The following UNC13C variants were observed in gnomAD, a reference collection of about 807,000 sequenced individuals.
UNC13C encodes protein unc-13 homolog C.
A neutral mutation model predicts 245.4 loss-of-function variants in UNC13C; 174 were observed. The ratio of observed to expected loss-of-function variants is 0.71; its 90% CI spans 0.63 to 0.80. UNC13C has a LOEUF of 0.80. Ranked by LOEUF, UNC13C falls within the 30% of genes least tolerant of loss-of-function variation. UNC13C has a pLI of 0.00. For missense variants in UNC13C, 2,829 were observed against 2,602.9 expected (o/e 1.09, Z -1.89); for synonymous variants, 992 against 895.1 (o/e 1.11, Z -1.93).
Position 54,500,834 on chromosome 15 carries a change from G to C in UNC13C, c.5158-1G>C. On this transcript the variant is annotated splice_acceptor_variant, in intron 21 of 32. Transcript: ENST00000260323. LOFTEE classifies it high-confidence loss of function. ...GATGGTTTCACCTCCTCTCCCCACAGTTCCAGCAGACATCTGAGCATGCTC... is the reference window on the plus strand; with the variant it reads ...GATGGTTTCACCTCCTCTCCCCACACTTCCAGCAGACATCTGAGCATGCTC... 2 of 1,612,552 alleles carry C rather than the reference G, an allele frequency of 1.2e-6. No homozygotes were observed. Among genetic ancestry groups the C allele is most frequent in the South Asian group, 2.2e-5 (2 of 91,016 alleles).
At chr15:54,289,555 G>A (rs1273552903) in intron 10 of UNC13C, among the ~76,000 whole-genome samples, 2 of 152,012 alleles carry the variant, frequency 1.3e-5, no homozygotes, top group African/African-American at 4.8e-5. Flanking sequence ...ATGTTAGTGA[G>A]TATTCTTAGT....
chr15:54,052,461 G>C (rs1897313708), intron 2 of UNC13C, among the ~76,000 whole-genome samples: 1 of 151,700 alleles, frequency 6.6e-6, no homozygotes, highest in African/African-American at 2.4e-5. Flanking sequence ...ATTCTAACTG[G>C]TGTGAGATGG....
At chr15:54,585,254 C>T (rs909624461) in intron 30 of UNC13C, among the ~76,000 whole-genome samples, 2 of 152,148 alleles carry the variant, frequency 1.3e-5, no homozygotes, top group East Asian at 1.9e-4. Flanking sequence ...GTACCCTCCT[C>T]ATGGTAATGG....
At chr15:53,897,964 T>C in the UNC13C span, among the ~76,000 whole-genome samples, 10 of 152,318 alleles carry the variant, frequency 6.6e-5, no homozygotes, top group Non-Finnish European at 1.2e-4. Flanking sequence ...GTAGTTCTAG[T>C]TGAGTATTTT....
chr15:54,244,119 A>G (rs1377174537), intron 7 of UNC13C, among the ~76,000 whole-genome samples: 1 of 152,114 alleles, frequency 6.6e-6, no homozygotes, highest in Non-Finnish European at 1.5e-5. Context: ...GGGGTTTTAT[A>G]TTCAAGTCTT....
chr15:54,373,942 C>T (rs1380922675), intron 17 of UNC13C, among the ~76,000 whole-genome samples: 2 of 151,938 alleles, frequency 1.3e-5, no homozygotes, highest in Non-Finnish European at 2.9e-5. Flanking sequence ...AGCTCCTATC[C>T]ATAGGCAGGC....
intron 17 of UNC13C, among the ~76,000 whole-genome samples, chr15:54,369,759 C>T (rs918931810): frequency 6.6e-6 from 1 of 152,068 alleles, no homozygotes; most frequent in Non-Finnish European, 1.5e-5. Context: ...AGTCAACTTG[C>T]ATGCTATAAA....
At position 54,013,732 on chromosome 15, in the gene UNC13C, A is replaced by T; in HGVS notation, c.829A>T (p.Ile277Phe). The T allele has an allele frequency of 6.2e-7, 1 of 1,612,812 alleles. No individual in the cohort carries two copies. Among genetic ancestry groups the T allele is most frequent in the African/African-American group, 1.3e-5 (1 of 74,962 alleles). ...TGCTCTCAAGCACTCCATCGATGAG[A>T]TCTCCAGCAGTGTGGAGGTTGTACA... ...VNALKHSIDE[I>F]SSSVEVVQSE... Residue 277 changes from isoleucine to phenylalanine, a missense_variant, in exon 2 of 33, where the codon ATC becomes TTC. Coordinates refer to ENST00000260323, the MANE Select transcript of UNC13C (RefSeq NM_001080534.3).
intron 13 of UNC13C, among the ~76,000 whole-genome samples, chr15:54,304,513 G>C (rs1291658167): frequency 6.6e-6 from 1 of 151,322 alleles, no homozygotes; most frequent in Non-Finnish European, 1.5e-5. Context: ...TGCCTCTATC[G>C]CCCTGACGTC....
At chr15:54,449,984 T>C (rs182463729) in intron 19 of UNC13C, among the ~76,000 whole-genome samples, 1 of 152,346 alleles carries the variant, frequency 6.6e-6, no homozygotes, top group East Asian at 1.9e-4. Flanking sequence ...TTAGTTTTCC[T>C]TCTAACAGTC....
intron 30 of UNC13C, among the ~76,000 whole-genome samples, chr15:54,570,376 T>G (rs16974840): frequency 0.011 from 1,633 of 152,246 alleles, 37 homozygotes; most frequent in African/African-American, 0.037. Flanking sequence ...TTTCAAATTG[T>G]TGGTGGTAAT....
intron 19 of UNC13C, among the ~76,000 whole-genome samples, chr15:54,480,018 G>C (rs1007489610): frequency 3.3e-5 from 5 of 152,158 alleles, no homozygotes; most frequent in Middle Eastern, 3.4e-3. Context: ...TGGCCTGTAA[G>C]CTTTCTGCTG....
At chr15:54,457,073 G>C (rs926486785) in intron 19 of UNC13C, among the ~76,000 whole-genome samples, 1 of 152,030 alleles carries the variant, frequency 6.6e-6, no homozygotes, top group Admixed American at 6.6e-5. Context: ...TTTTACTGAG[G>C]ATTTTAATCA....
the UNC13C span, among the ~76,000 whole-genome samples, chr15:53,932,084 G>A: frequency 3.9e-5 from 6 of 152,202 alleles, 1 homozygote; most frequent in South Asian, 1.2e-3. Flanking sequence ...GCCAAGGTGG[G>A]CAGATCATAA....
intron 2 of UNC13C, among the ~76,000 whole-genome samples, chr15:54,110,376 C>T (rs1172922754): frequency 6.6e-6 from 1 of 151,920 alleles, no homozygotes; most frequent in Non-Finnish European, 1.5e-5. Context: ...TATTCTATAC[C>T]ATATAGCAAT....
At position 54,611,919 on chromosome 15, in the gene UNC13C, G is replaced by T. The variant is rs1488980606; in HGVS notation, c.6107-10408G>T. On this transcript the variant is annotated intron_variant, in intron 30 of 32. Coordinates refer to ENST00000260323, the MANE Select transcript of UNC13C (RefSeq NM_001080534.3). ...ATTATGTATCCATTTACATGACCTT[G>T]CAACATAAGTATTTTACATGATATT... Among the ~76,000 whole-genome samples the T allele has an allele frequency of 2.0e-5, 3 of 152,046 alleles. No individual in the cohort carries two copies. In the East Asian group the frequency reaches 5.8e-4, roughly 29 times the overall value.
chr15:54,632,333 A>G (rs1214490857), downstream of UNC13C: 9 of 152,192 alleles, frequency 5.9e-5, no homozygotes, highest in Non-Finnish European at 1.0e-4. Flanking sequence ...TTTCACTTCC[A>G]TCAAGTCGAA....
chr15:54,235,615 G>T (rs1461522753), intron 5 of UNC13C, among the ~76,000 whole-genome samples: 14 of 152,136 alleles, frequency 9.2e-5, no homozygotes, highest in Non-Finnish European at 2.9e-5. Context: ...CACTTTGGGA[G>T]GCCGAGGCGG....
intron 1 of UNC13C, among the ~76,000 whole-genome samples, chr15:53,990,998 G>C (rs974362017): frequency 6.6e-6 from 1 of 152,020 alleles, no homozygotes; most frequent in Non-Finnish European, 1.5e-5. Flanking sequence ...GGAACACTGA[G>C]AGTGGTAATA....
Sources: allele counts gnomAD v4.1 joint callset (sites outside exome capture counted in the v4.1 genomes callset), GRCh38; gene constraint gnomAD v4.1.1; transcripts MANE v1.5; gene names NCBI Gene and HGNC (gene_info 2026-07-23, HGNC 2026-07-21).